CDH13: variants seen among roughly 807,000 people sequenced by gnomAD.
CDH13 encodes the protein cadherin 13.
A neutral mutation model predicts 63.8 loss-of-function variants in CDH13; 24 were observed. The observed-to-expected ratio is 0.38, with a 90% confidence interval of 0.27 to 0.53. The LOEUF (loss-of-function observed/expected upper bound fraction) is 0.53, where lower values mean the gene tolerates loss of function less well. Among genes scored for constraint, CDH13 ranks in the 20% least tolerant of loss-of-function variants. The pLI is 0.85. For synonymous variants in CDH13, 503 were observed against 355.3 expected (o/e 1.42, Z -4.67); for missense variants, 1,049 against 903.1 (o/e 1.16, Z -2.07).
At chr16:83,483,199 C>G (rs2073812792) in intron 6 of CDH13, among the ~76,000 whole-genome samples, 1 of 152,172 alleles carries the variant, frequency 6.6e-6, no homozygotes, top group Middle Eastern at 3.4e-3. Flanking sequence ...ATTTACATAA[C>G]TCAGGCACAA....
intron 11 of CDH13, among the ~76,000 whole-genome samples, chr16:83,763,433 C>G (rs1038128562): frequency 1.1e-4 from 16 of 152,144 alleles, no homozygotes; most frequent in Non-Finnish European, 1.9e-4. Flanking sequence ...TGTTATTCAG[C>G]CCCAGAGTGA....
intron 1 of CDH13, among the ~76,000 whole-genome samples, chr16:82,792,760 A>G (rs1044909785): frequency 6.6e-6 from 1 of 152,162 alleles, no homozygotes; most frequent in Non-Finnish European, 1.5e-5. Context: ...AGAAATGTAT[A>G]CCTCTGCTAG....
At chr16:83,086,665 C>G (rs957180924) in intron 3 of CDH13, among the ~76,000 whole-genome samples, 19 of 152,180 alleles carry the variant, frequency 1.2e-4, no homozygotes, top group African/African-American at 4.3e-4. Flanking sequence ...AGTTTTGTGT[C>G]TTTACCTTGC....
At chr16:83,292,178 G>A (rs2089481669) in intron 5 of CDH13, among the ~76,000 whole-genome samples, 1 of 152,208 alleles carries the variant, frequency 6.6e-6, no homozygotes. Context: ...GTCAACTGAA[G>A]CATGAACATA....
chr16:83,512,273 AT>A (rs2074586626), intron 7 of CDH13, among the ~76,000 whole-genome samples: 1 of 151,230 alleles, frequency 6.6e-6, no homozygotes, highest in South Asian at 2.1e-4. Context: ...GTGAGCGGAG[AT>A]TGCACCACTG....
chr16:83,294,873 A>G (rs2089552915), intron 5 of CDH13, among the ~76,000 whole-genome samples: 1 of 152,184 alleles, frequency 6.6e-6, no homozygotes, highest in African/African-American at 2.4e-5. Context: ...AGAACTAGGA[A>G]AAATCATCCT....
At chr16:83,266,120 A>G (rs993239996) in intron 5 of CDH13, among the ~76,000 whole-genome samples, 20 of 152,010 alleles carry the variant, frequency 1.3e-4, no homozygotes, top group Non-Finnish European at 2.8e-4. Flanking sequence ...TGTTTTTAGT[A>G]GAGACGGGGT....
intron 4 of CDH13, among the ~76,000 whole-genome samples, chr16:83,158,237 C>A (rs761963604): frequency 1.8e-4 from 28 of 152,154 alleles, no homozygotes; most frequent in Non-Finnish European, 3.7e-4. Context: ...ATAAAAGTTT[C>A]TCTTTCTTTA....
intron 1 of CDH13, among the ~76,000 whole-genome samples, chr16:82,815,631 G>A (rs2151188930): frequency 6.6e-6 from 1 of 152,260 alleles, no homozygotes; most frequent in East Asian, 1.9e-4. Flanking sequence ...AATGCTGGTG[G>A]ATGCTGCTTC....
intron 3 of CDH13, among the ~76,000 whole-genome samples, chr16:83,088,590 A>T (rs951058946): frequency 2.6e-5 from 4 of 152,180 alleles, no homozygotes; most frequent in Non-Finnish European, 5.9e-5. Flanking sequence ...TGTCCTATAA[A>T]GTAAAGGTGT....
At chr16:83,596,891 C>G (rs932504208) in intron 7 of CDH13, among the ~76,000 whole-genome samples, 2 of 152,276 alleles carry the variant, frequency 1.3e-5, no homozygotes, top group South Asian at 4.1e-4. Context: ...CAAATCATAA[C>G]AGGCCAATAA....
chr16:83,144,220 A>G (rs2036652724), intron 4 of CDH13, among the ~76,000 whole-genome samples: 1 of 152,160 alleles, frequency 6.6e-6, no homozygotes, highest in East Asian at 1.9e-4. Context: ...TCCCATGAGG[A>G]AGTGACACAG....
chr16:83,437,423 C>T (rs998977226), intron 6 of CDH13, among the ~76,000 whole-genome samples: 1 of 152,136 alleles, frequency 6.6e-6, no homozygotes, highest in Non-Finnish European at 1.5e-5. Context: ...TGCCTGTAAT[C>T]TCAGCGCTTT....
chr16:83,558,351 TC>T (rs2075641641), intron 7 of CDH13, among the ~76,000 whole-genome samples: 1 of 152,146 alleles, frequency 6.6e-6, no homozygotes, highest in Admixed American at 6.5e-5. Context: ...GAAAGATACT[TC>T]CATCAAAAAC....
intron 10 of CDH13, among the ~76,000 whole-genome samples, chr16:83,732,615 G>A (rs1351802534): frequency 6.6e-6 from 1 of 152,188 alleles, no homozygotes; most frequent in Non-Finnish European, 1.5e-5. Context: ...GATGATAGCA[G>A]AGCTGAGCCA....
intron 5 of CDH13, among the ~76,000 whole-genome samples, chr16:83,307,513 G>T (rs1036655842): frequency 7.9e-5 from 12 of 152,106 alleles, no homozygotes; most frequent in African/African-American, 2.9e-4. Context: ...CACATTTTAA[G>T]GCAATTTTAC....
At chr16:83,090,696 G>A (rs57761118) in intron 3 of CDH13, among the ~76,000 whole-genome samples, 8 of 151,756 alleles carry the variant, frequency 5.3e-5, no homozygotes, top group Non-Finnish European at 1.0e-4. Context: ...AGTCTTCCCC[G>A]TCTGTCTGCT....
At position 83,604,146 on chromosome 16, in the gene CDH13, C is replaced by T. The variant is rs149751366; in HGVS notation, c.1101+1552C>T. Among the ~76,000 whole-genome samples, 962 of 152,222 alleles carry T rather than the reference C, an allele frequency of 6.3e-3. 11 individuals are homozygous for T. The highest frequency in any genetic ancestry group is 0.022 in the African/African-American group (914 of 41,548). On this transcript the variant is annotated intron_variant, in intron 8 of 13. Coordinates refer to ENST00000567109, the MANE Select transcript of CDH13 (RefSeq NM_001257.5). The stretch of plus-strand genomic sequence containing the variant: ...CCAAGCCACATCAGCCTCTTCACCT[C>T]GGCATCCCCCTGCATGGCTCACTCA...
chr16:83,467,331 G>T (rs16960564), intron 6 of CDH13, among the ~76,000 whole-genome samples: 3,826 of 152,222 alleles, frequency 0.025, 163 homozygotes, highest in African/African-American at 0.087. Flanking sequence ...CTCTGTGACA[G>T]ATTTCTTTTC....
Sources: allele counts gnomAD v4.1 joint callset (sites outside exome capture counted in the v4.1 genomes callset), GRCh38; gene constraint gnomAD v4.1.1; transcripts MANE v1.5; gene names NCBI Gene and HGNC (gene_info 2026-07-23, HGNC 2026-07-21).